PIEZO2: variants seen among roughly 807,000 people sequenced by gnomAD.
PIEZO2 encodes the protein piezo type mechanosensitive ion channel component 2, also known as piezo-type mechanosensitive ion channel component 2.
PIEZO2 carries 172 observed loss-of-function variants against 337.3 expected under a neutral mutation model. That is an observed-to-expected ratio of 0.51 (90% CI 0.45 to 0.58). The LOEUF is 0.58. Among genes scored for constraint, PIEZO2 ranks in the 20% least tolerant of loss-of-function variants. The probability of loss-of-function intolerance (pLI) is 0.00; values close to 1 mark genes in which losing one functional copy is unlikely to be tolerated. For missense variants in PIEZO2, 3,028 were observed against 3,391.3 expected (o/e 0.89, Z 2.66); for synonymous variants, 1,251 against 1,228.5 (o/e 1.02, Z -0.38).
chr18:10,983,767 C>T (rs1316257326), intron 2 of PIEZO2, among the ~76,000 whole-genome samples: 3 of 152,138 alleles, frequency 2.0e-5, no homozygotes, highest in Non-Finnish European at 4.4e-5. Flanking sequence ...CTGTGCATGG[C>T]CTGCACAAGC....
At chr18:10,883,849 C>T (rs548182974) in intron 4 of PIEZO2, among the ~76,000 whole-genome samples, 4 of 132,480 alleles carry the variant, frequency 3.0e-5, no homozygotes, top group South Asian at 2.4e-4. Context: ...CTCAATCTGT[C>T]GCCTAGGCTG....
At chr18:10,771,788 TC>T (rs1217025619) in intron 20 of PIEZO2, among the ~76,000 whole-genome samples, 3 of 152,208 alleles carry the variant, frequency 2.0e-5, no homozygotes, top group Non-Finnish European at 4.4e-5. Context: ...TCTCATGCTG[TC>T]CCGCTCTGTC....
chr18:10,831,266 A>T (rs191132230), intron 7 of PIEZO2, among the ~76,000 whole-genome samples: 2 of 152,330 alleles, frequency 1.3e-5, no homozygotes, highest in Admixed American at 1.3e-4. Flanking sequence ...CAAGATTTGG[A>T]AGCAACCTAA....
rs140136930 is a variant in PIEZO2 at position 10,815,229 on chromosome 18, C to T, written c.918-7955G>A. The stretch of plus-strand genomic sequence containing the variant: ...ATATTCTACTTAGTATTTTAAAGCA[C>T]ACCTTTTAAATGAAATTGCCTTAGC... On this transcript the variant is annotated intron_variant, in intron 7 of 55. Coordinates refer to ENST00000674853, the MANE Select transcript of PIEZO2 (RefSeq NM_001378183.1). This position sits in a 1 kb window ranked among gnomAD's most constrained non-coding sequence, Gnocchi z 4.1. Among the ~76,000 whole-genome samples the T allele has an allele frequency of 2.2e-4, 33 of 152,260 alleles. No homozygotes were observed. Among genetic ancestry groups the T allele is most frequent in the African/African-American group, 7.5e-4 (31 of 41,552 alleles).
At chr18:11,082,621 C>T (rs1293543127) in intron 1 of PIEZO2, among the ~76,000 whole-genome samples, 2 of 152,166 alleles carry the variant, frequency 1.3e-5, no homozygotes, top group Non-Finnish European at 2.9e-5. Flanking sequence ...ATTTTTAAAA[C>T]TTGGTTAGCC....
chr18:11,144,019 T>C (rs558574423), intron 1 of PIEZO2, among the ~76,000 whole-genome samples: 1 of 152,280 alleles, frequency 6.6e-6, no homozygotes, highest in East Asian at 1.9e-4. Flanking sequence ...AATCATACAG[T>C]GAAGGGCAGA....
intron 7 of PIEZO2, among the ~76,000 whole-genome samples, chr18:10,831,438 T>C (rs575142085): frequency 6.6e-6 from 1 of 152,332 alleles, no homozygotes; most frequent in Admixed American, 6.5e-5. Context: ...AGACACACTT[T>C]GCATATTCTC....
At chr18:10,745,292 T>G (rs1170206545) in intron 30 of PIEZO2, among the ~76,000 whole-genome samples, 2 of 152,104 alleles carry the variant, frequency 1.3e-5, no homozygotes, top group African/African-American at 4.8e-5. Flanking sequence ...TTCCAATCTT[T>G]CCATCAGTAC....
intron 30 of PIEZO2, among the ~76,000 whole-genome samples, chr18:10,747,076 T>C (rs751328723): frequency 4.6e-5 from 7 of 152,226 alleles, no homozygotes; most frequent in Non-Finnish European, 1.0e-4. Flanking sequence ...CACACTATTA[T>C]GAGTTCATTG....
At chr18:10,698,352 A>C (rs1051788259) in intron 44 of PIEZO2, among the ~76,000 whole-genome samples, 1 of 152,104 alleles carries the variant, frequency 6.6e-6, no homozygotes, top group Admixed American at 6.5e-5. Context: ...CAGGAGCCCC[A>C]TAATTATAAA....
At chr18:11,062,690 C>T (rs1251321716) in intron 2 of PIEZO2, among the ~76,000 whole-genome samples, 1 of 152,128 alleles carries the variant, frequency 6.6e-6, no homozygotes, top group African/African-American at 2.4e-5. Context: ...CAGAGAAATG[C>T]AAATCAAAAC....
At chr18:11,074,997 C>T (rs2038481109) in intron 1 of PIEZO2, among the ~76,000 whole-genome samples, 1 of 152,160 alleles carries the variant, frequency 6.6e-6, no homozygotes, top group Admixed American at 6.5e-5. Context: ...TCTTAATGGC[C>T]TAGGCAACAG....
chr18:11,009,895 G>C lies in PIEZO2; in HGVS notation c.161-30235C>G, dbSNP rs1033495501. 1.2e-4 allele frequency among the ~76,000 whole-genome samples: 18 copies of C among 152,264 alleles called. No individual in the cohort carries two copies. Among genetic ancestry groups the C allele is most frequent in the African/African-American group, 4.1e-4 (17 of 41,546 alleles). ...AGAAGACAGCCATCTGCGAGCCAAA[G>C]AGAGAGGCCTCAGGAGAAACCAAGC... On this transcript the variant is annotated intron_variant, in intron 2 of 55. Coordinates refer to ENST00000674853, the MANE Select transcript of PIEZO2 (RefSeq NM_001378183.1). This position sits in a 1 kb window ranked among gnomAD's most constrained non-coding sequence, Gnocchi z 4.6.
At position 10,726,037 on chromosome 18, in the gene PIEZO2, T is replaced by C. The variant is rs1483378949; in HGVS notation, c.5029+5370A>G. On this transcript the variant is annotated intron_variant, in intron 36 of 55. Coordinates refer to ENST00000674853, the MANE Select transcript of PIEZO2 (RefSeq NM_001378183.1). The surrounding 1 kb of genome is among the most constrained non-coding windows in gnomAD (Gnocchi z 5.9). ...TTCAGAATAATATGGGCACCCAGGATGTTGGGCAGGGTGGTATATGTATTC... is the reference window on the plus strand; with the variant it reads ...TTCAGAATAATATGGGCACCCAGGACGTTGGGCAGGGTGGTATATGTATTC... 1.3e-5 allele frequency among the ~76,000 whole-genome samples: 2 copies of C among 152,052 alleles called. No homozygotes were observed. Among genetic ancestry groups the C allele is most frequent in the African/African-American group, 2.4e-5 (1 of 41,406 alleles).
chr18:11,073,290 G>A (rs2038412329), intron 1 of PIEZO2, among the ~76,000 whole-genome samples: 1 of 152,196 alleles, frequency 6.6e-6, no homozygotes, highest in Non-Finnish European at 1.5e-5. Flanking sequence ...AGTGTGGGCT[G>A]TAGCTAGAGC....
chr18:11,044,968 C>T (rs7232822), intron 2 of PIEZO2, among the ~76,000 whole-genome samples: 37,513 of 148,962 alleles, frequency 0.25, 4,768 homozygotes, highest in East Asian at 0.37. Flanking sequence ...AGGCAACACA[C>T]TAAGACCTCA....
chr18:10,746,484 T>C lies in PIEZO2; in HGVS notation c.4424+1987A>G, dbSNP rs2037427691. ...CCTGCACTGGGAATGGAAGGCCACC[T>C]GGTTCACGCCCCTGCAGCTGGTTAT... On this transcript the variant is annotated intron_variant, in intron 30 of 55. Coordinates refer to ENST00000674853, the MANE Select transcript of PIEZO2 (RefSeq NM_001378183.1). The surrounding 1 kb of genome is among the most constrained non-coding windows in gnomAD (Gnocchi z 4.2). Among the ~76,000 whole-genome samples the C allele has an allele frequency of 6.6e-6, 1 of 152,206 alleles. No homozygotes were observed. The highest frequency in any genetic ancestry group is 2.4e-5 in the African/African-American group (1 of 41,460).
chr18:10,882,778 T>C (rs960491402), intron 4 of PIEZO2, among the ~76,000 whole-genome samples: 2 of 151,956 alleles, frequency 1.3e-5, no homozygotes, highest in African/African-American at 4.8e-5. Context: ...CCTGACAAGA[T>C]TTCACTATTT....
rs150243961 is a variant in PIEZO2 at position 10,871,567 on chromosome 18, C to T, written c.330-152G>A. 2.0e-5 allele frequency among the ~76,000 whole-genome samples: 3 copies of T among 151,538 alleles called. No individual in the cohort carries two copies. The East Asian group carries it at 5.8e-4, about 30-fold the overall frequency. On this transcript the variant is annotated intron_variant, in intron 4 of 55. Coordinates refer to ENST00000674853, the MANE Select transcript of PIEZO2 (RefSeq NM_001378183.1). ...AGGTACAAGAAAGCTTTTTATTGACCTCAGTGTCTCACAAAATCTACACAT... is the reference window on the plus strand; with the variant it reads ...AGGTACAAGAAAGCTTTTTATTGACTTCAGTGTCTCACAAAATCTACACAT...
Sources: allele counts gnomAD v4.1 joint callset (sites outside exome capture counted in the v4.1 genomes callset), GRCh38; gene constraint gnomAD v4.1.1; non-coding constraint Gnocchi (gnomAD v3.1); transcripts MANE v1.5; gene names NCBI Gene and HGNC (gene_info 2026-07-23, HGNC 2026-07-21).